Variants in CD44 observed in about 807,000 individuals in gnomAD.
CD44 encodes the protein CD44 molecule (IN blood group).
A neutral mutation model predicts 88.8 loss-of-function variants in CD44; 49 were observed. That is an observed-to-expected ratio of 0.55 (90% CI 0.44 to 0.70). The LOEUF (loss-of-function observed/expected upper bound fraction) is 0.70. Ranked by LOEUF, CD44 falls within the 30% of genes least tolerant of loss-of-function variation. The pLI, the probability that CD44 is intolerant of heterozygous loss-of-function variation, is 0.00. For missense variants in CD44, 883 were observed against 913.8 expected, an observed-to-expected ratio of 0.97 and a Z score of 0.43; for synonymous variants, 325 against 312.3, an observed-to-expected ratio of 1.04 and a Z score of -0.43.
At chr11:35,140,427 A>C (rs969665012) in intron 1 of CD44, among the ~76,000 whole-genome samples, 1 of 152,212 alleles carries the variant, frequency 6.6e-6, no homozygotes, top group African/African-American at 2.4e-5. Flanking sequence ...CATGCAGTAA[A>C]TTCTACTCAG....
chr11:35,207,679 A>G (rs549228420), intron 11 of CD44, among the ~76,000 whole-genome samples: 60 of 152,328 alleles, frequency 3.9e-4, no homozygotes, highest in African/African-American at 1.3e-3. Context: ...AAAGGGGGGA[A>G]GAGGGCTATT....
chr11:35,218,236 T>C (rs73436976), intron 15 of CD44, among the ~76,000 whole-genome samples: 3,793 of 152,286 alleles, frequency 0.025, 158 homozygotes, highest in African/African-American at 0.085. Flanking sequence ...GTAGAAAATG[T>C]TGATTCTTCT....
At chr11:35,207,176 C>T (rs564259009) in intron 11 of CD44, among the ~76,000 whole-genome samples, 1 of 152,206 alleles carries the variant, frequency 6.6e-6, no homozygotes, top group Non-Finnish European at 1.5e-5. Flanking sequence ...AGGGTCACCA[C>T]ATTTTTGTCC....
intron 1 of CD44, among the ~76,000 whole-genome samples, chr11:35,144,086 G>A (rs1858569046): frequency 6.6e-6 from 1 of 152,218 alleles, no homozygotes; most frequent in African/African-American, 2.4e-5. Flanking sequence ...TAGGTGACAT[G>A]TGGCCACCCA....
intron 1 of CD44, among the ~76,000 whole-genome samples, chr11:35,159,213 G>T (rs150987297): frequency 6.6e-6 from 1 of 152,154 alleles, no homozygotes; most frequent in Non-Finnish European, 1.5e-5. Context: ...TGTGTCCATC[G>T]TTTTTAATCA....
At chr11:35,167,593 A>G (rs542940800) in intron 1 of CD44, among the ~76,000 whole-genome samples, 1 of 152,324 alleles carries the variant, frequency 6.6e-6, no homozygotes, top group South Asian at 2.1e-4. Flanking sequence ...CACTGTAAAA[A>G]TAAAAAATTT....
At position 35,192,080 on chromosome 11, in the gene CD44, T is replaced by C. The variant is rs987988966; in HGVS notation, c.667+2015T>C. Among the ~76,000 whole-genome samples the C allele has an allele frequency of 3.0e-4, 46 of 152,232 alleles. 1 individual carries two copies. The highest frequency in any genetic ancestry group is 1.0e-4 in the Non-Finnish European group (7 of 68,040). Reference sequence around the variant, plus strand: ...AGAAATCAGGGAAAAGGAGTGTTTATGAGATTTAACTAAAACATAGTTCAG... The same window carrying C: ...AGAAATCAGGGAAAAGGAGTGTTTACGAGATTTAACTAAAACATAGTTCAG... On this transcript the variant is annotated intron_variant, in intron 5 of 17. Coordinates refer to ENST00000428726, the MANE Select transcript of CD44 (RefSeq NM_000610.4).
intron 3 of CD44, among the ~76,000 whole-genome samples, chr11:35,185,779 T>C (rs982765241): frequency 2.0e-5 from 3 of 152,238 alleles, no homozygotes; most frequent in African/African-American, 7.2e-5. Context: ...TAAAGCTCTC[T>C]GAGGTTTTAG....
intron 10 of CD44, among the ~76,000 whole-genome samples, chr11:35,205,470 G>T (rs550631939): frequency 1.3e-5 from 2 of 152,236 alleles, no homozygotes; most frequent in South Asian, 4.2e-4. Context: ...TTGTCTATGT[G>T]GTGTAGTTGT....
intron 1 of CD44, among the ~76,000 whole-genome samples, chr11:35,154,199 G>A (rs1382073502): frequency 2.6e-5 from 4 of 152,150 alleles, no homozygotes; most frequent in Non-Finnish European, 4.4e-5. Context: ...TATCCATTTC[G>A]TTGAAAGTTC....
chr11:35,208,066 T>C lies in CD44; in HGVS notation c.1415-39T>C, dbSNP rs1450950721. 8 of 1,253,654 alleles carry C rather than the reference T, an allele frequency of 6.4e-6. No homozygotes were observed. In the Admixed American group the frequency reaches 1.3e-4, roughly 21 times the overall value. 77.7% of individuals were successfully genotyped at this position (1,253,654 alleles called of 1,614,324 possible). On this transcript the variant is annotated intron_variant, in intron 11 of 17. Coordinates refer to ENST00000428726, the MANE Select transcript of CD44 (RefSeq NM_000610.4). ...CATAAGCCACCTTCAGGTAGTGGTT[T>C]GGGAAATCAAGCAATAACACTAATA...
At chr11:35,204,897 A>G in intron 10 of CD44, 2 of 367,422 alleles carry the variant, frequency 5.4e-6, no homozygotes, top group South Asian at 3.0e-5. Flanking sequence ...TCTCTTTCAC[A>G]TCGAGTTTTG....
chr11:35,182,120 G>A (rs527402578), intron 3 of CD44, among the ~76,000 whole-genome samples: 8 of 145,022 alleles, frequency 5.5e-5, no homozygotes, highest in Admixed American at 1.5e-4. Flanking sequence ...ATATATGGTA[G>A]TAAAATATAA....
At chr11:35,167,807 C>A (rs1321759333) in intron 1 of CD44, among the ~76,000 whole-genome samples, 5 of 152,194 alleles carry the variant, frequency 3.3e-5, no homozygotes, top group African/African-American at 1.2e-4. Context: ...CTTGGTGACC[C>A]AACCCTGGGC....
intron 1 of CD44, among the ~76,000 whole-genome samples, chr11:35,149,428 G>A (rs1023950663): frequency 6.6e-6 from 1 of 152,222 alleles, no homozygotes; most frequent in African/African-American, 2.4e-5. Flanking sequence ...CTTAACAGCA[G>A]CGTGAGCTTG....
chr11:35,201,731 C>T lies in CD44; in HGVS notation c.1097C>T (p.Pro366Leu). Residue 366 changes from proline to leucine, a missense_variant, in exon 9 of 18, where the codon CCC (proline) becomes CTC (leucine). Pro to Leu is a moderately conservative substitution (Grantham distance 98). Around this residue, in one of 2 missense-constraint regions of CD44, gnomAD observed 631 missense variants for 590.9 expected, o/e 1.07. Transcript: ENST00000428726. ...AACTGGAACCCAGAAGCACACCCTC[C>T]CCTCATTCACCATGAGCATCATGAG... is the stretch of plus-strand genomic sequence containing the variant. Reference protein sequence around the residue: ...EGNWNPEAHPPLIHHEHHEEE... With the variant: ...EGNWNPEAHPLLIHHEHHEEE... 1.2e-6 allele frequency: 2 copies of T among 1,613,428 alleles called. No individual in the cohort carries two copies. The highest frequency in any genetic ancestry group is 1.7e-6 in the Non-Finnish European group (2 of 1,179,404).
At chr11:35,148,947 C>T (rs930331730) in intron 1 of CD44, among the ~76,000 whole-genome samples, 8 of 152,184 alleles carry the variant, frequency 5.3e-5, no homozygotes, top group Non-Finnish European at 1.0e-4. Context: ...CCTCAACCCG[C>T]CTCCTCCCTT....
At chr11:35,183,076 T>A (rs1314393694) in intron 3 of CD44, among the ~76,000 whole-genome samples, 1 of 152,192 alleles carries the variant, frequency 6.6e-6, no homozygotes, top group Non-Finnish European at 1.5e-5. Context: ...TTGAAAAGCT[T>A]GAGAAGTACA....
At chr11:35,205,926 T>G in intron 10 of CD44, 186 bp from the exon 11 acceptor site, 1 of 1,242,576 alleles carries the variant, frequency 8.0e-7, no homozygotes, top group Non-Finnish European at 1.0e-6. Context: ...AAGAAGAAAA[T>G]GAGCATGAGT....
Sources: allele counts gnomAD v4.1 joint callset (sites outside exome capture counted in the v4.1 genomes callset), GRCh38; gene constraint gnomAD v4.1.1; regional missense constraint gnomAD v4.1.1; transcripts MANE v1.5; gene names NCBI Gene and HGNC (gene_info 2026-07-23, HGNC 2026-07-21).